The following ANKIB1 variants were observed in gnomAD, a reference collection of about 807,000 sequenced individuals.
ANKIB1 encodes ankyrin repeat and IBR domain containing 1.
Under a neutral mutation model 122.1 loss-of-function variants are expected in ANKIB1, and 43 were observed. The ratio of observed to expected loss-of-function variants is 0.35; its 90% CI spans 0.28 to 0.45. ANKIB1 has a LOEUF of 0.45. Among genes scored for constraint, ANKIB1 ranks in the 20% least tolerant of loss-of-function variants. The pLI, the probability that ANKIB1 is intolerant of heterozygous loss-of-function variation, is 1.00. For synonymous variants in ANKIB1, 390 were observed against 442.0 expected (o/e 0.88, Z 1.48); for missense variants, 992 against 1,329.5 (o/e 0.75, Z 3.95).
intron 19 of ANKIB1, 63 bp downstream of exon 19, chr7:92,397,922 C>T: frequency 1.3e-6 from 2 of 1,540,862 alleles, no homozygotes; most frequent in Non-Finnish European, 8.7e-7. Flanking sequence ...GTGTGGTTTC[C>T]TGTTGTTACT....
chr7:92,319,610 T>C, intron 4 of ANKIB1, 98 bp downstream of exon 4: 4 of 1,163,076 alleles, frequency 3.4e-6, no homozygotes, highest in Non-Finnish European at 4.8e-6. Context: ...TTGTGTGTTC[T>C]TCTTTACAGT....
chr7:92,394,183 C>T lies in ANKIB1; in HGVS notation c.2283+1891C>T, dbSNP rs529765728. Among the ~76,000 whole-genome samples, 5 of 152,190 alleles carry T rather than the reference C, an allele frequency of 3.3e-5. No homozygotes were observed. The South Asian group carries it at 1.0e-3, about 32-fold the overall frequency. On this transcript the variant is annotated intron_variant, in intron 17 of 19. Transcript: ENST00000265742. Reference sequence around the variant, plus strand: ...TGGATGGTGATACCCCATGGAAGTTCTAGAAGGATTAAAGCATCTCATTTA... The same window carrying T: ...TGGATGGTGATACCCCATGGAAGTTTTAGAAGGATTAAAGCATCTCATTTA...
intron 5 of ANKIB1, among the ~76,000 whole-genome samples, chr7:92,335,849 C>T (rs750920374): frequency 6.6e-6 from 1 of 151,758 alleles, no homozygotes; most frequent in South Asian, 2.1e-4. Context: ...TTCTCTGTTC[C>T]TCCTTCTCTG....
chr7:92,288,104 A>C (rs2131910622), intron 1 of ANKIB1, among the ~76,000 whole-genome samples: 1 of 152,152 alleles, frequency 6.6e-6, no homozygotes, highest in Admixed American at 6.5e-5. Flanking sequence ...ACAATCCCAA[A>C]AAATCCATGA....
At chr7:92,346,575 T>A (rs1456197119) in intron 7 of ANKIB1, among the ~76,000 whole-genome samples, 1 of 152,216 alleles carries the variant, frequency 6.6e-6, no homozygotes. Flanking sequence ...TCAGTATAGC[T>A]GTTACAGGTA....
chr7:92,382,559 C>A (rs1480893694), intron 11 of ANKIB1, among the ~76,000 whole-genome samples: 1 of 152,202 alleles, frequency 6.6e-6, no homozygotes, highest in Non-Finnish European at 1.5e-5. Flanking sequence ...ACAGTGCAAT[C>A]AAATTAGAAC....
intron 7 of ANKIB1, 63 bp from the exon 8 acceptor site, chr7:92,350,887 C>A (rs1342479610): frequency 2.1e-6 from 3 of 1,452,664 alleles, no homozygotes; most frequent in African/African-American, 1.4e-5. Flanking sequence ...AAGGAAAATT[C>A]TTAGAATGTA....
intron 3 of ANKIB1, among the ~76,000 whole-genome samples, chr7:92,317,036 T>A (rs533371390): frequency 6.6e-6 from 1 of 152,316 alleles, no homozygotes; most frequent in South Asian, 2.1e-4. Context: ...GTCAGCTCTT[T>A]AGTTCTGCAG....
At chr7:92,397,593 G>A in intron 18 of ANKIB1, 130 bp from the exon 19 acceptor site, 2 of 900,488 alleles carry the variant, frequency 2.2e-6, no homozygotes, top group Non-Finnish European at 1.7e-6. Context: ...AAGATTAAGT[G>A]AACATGTCAA....
At chr7:92,329,069 G>A (rs762556061) in intron 5 of ANKIB1, among the ~76,000 whole-genome samples, 31 of 150,978 alleles carry the variant, frequency 2.1e-4, no homozygotes, top group Non-Finnish European at 3.8e-4. Flanking sequence ...CCAGGTTCAA[G>A]CAATTCTCAT....
intron 1 of ANKIB1, among the ~76,000 whole-genome samples, chr7:92,253,591 C>T (rs1801374114): frequency 6.6e-6 from 1 of 152,168 alleles, no homozygotes; most frequent in Non-Finnish European, 1.5e-5. Flanking sequence ...CAAGAATTTA[C>T]AAACATACAT....
At chr7:92,304,297 A>G (rs888802526) in intron 2 of ANKIB1, among the ~76,000 whole-genome samples, 7 of 151,968 alleles carry the variant, frequency 4.6e-5, no homozygotes, top group African/African-American at 1.7e-4. Context: ...ATAATTTGAG[A>G]CTCTTTCTTG....
intron 1 of ANKIB1, among the ~76,000 whole-genome samples, chr7:92,248,107 A>T (rs188741013): frequency 2.0e-5 from 3 of 152,294 alleles, no homozygotes; most frequent in African/African-American, 7.2e-5. Context: ...GAATAAGAGT[A>T]GGGTGCTATA....
intron 1 of ANKIB1, among the ~76,000 whole-genome samples, chr7:92,264,186 T>G (rs1764588133): frequency 7.1e-6 from 1 of 141,316 alleles, no homozygotes; most frequent in Non-Finnish European, 1.6e-5. Flanking sequence ...TGTTTGTTGG[T>G]TTTTTTTTTT....
chr7:92,355,277 G>C (rs1803772784), intron 9 of ANKIB1, among the ~76,000 whole-genome samples: 1 of 151,770 alleles, frequency 6.6e-6, no homozygotes, highest in Non-Finnish European at 1.5e-5. Context: ...TTTTAATTAA[G>C]TAAAATATGC....
chr7:92,365,788 C>CTTTTT (rs59131137), intron 10 of ANKIB1, among the ~76,000 whole-genome samples: 21 of 58,324 alleles, frequency 3.6e-4, no homozygotes, highest in East Asian at 6.2e-4. Context: ...ATTAAATAAT[C>CTTTTT]TTTTTTTTTT....
chr7:92,331,620 A>T (rs1803175390), intron 5 of ANKIB1, among the ~76,000 whole-genome samples: 1 of 152,110 alleles, frequency 6.6e-6, no homozygotes, highest in African/African-American at 2.4e-5. Context: ...TAGGCCTACT[A>T]GTTACAGTAG....
rs1802859484 is a variant in ANKIB1 at position 92,319,467 on chromosome 7, G to A, written c.624G>A (p.Glu208=). 4.3e-6 allele frequency: 7 copies of A among 1,612,890 alleles called. No homozygotes were observed. Among genetic ancestry groups the A allele is most frequent in the Admixed American group, 1.7e-5 (1 of 59,764 alleles). The change falls in exon 4 of 20, where the codon GAG becomes GAA. Residue 208 remains glutamate, a synonymous_variant. Coordinates refer to ENST00000265742, the MANE Select transcript of ANKIB1 (RefSeq NM_019004.2). ...AAATGGTATTCTCACGGGATCCCGA[G>A]GCTGAAGAAATAGAAGCTGAATATG... ...ESQMVFSRDP[E]AEEIEAEYAA... is the part of the protein sequence containing the mutation.
chr7:92,298,449 C>T (rs1350315553), intron 2 of ANKIB1, among the ~76,000 whole-genome samples: 1 of 151,728 alleles, frequency 6.6e-6, no homozygotes, highest in Non-Finnish European at 1.5e-5. Flanking sequence ...TGGTAAAATA[C>T]TTTTTAACCC....
Sources: gnomAD v4.1 joint callset for allele counts (sites outside exome capture counted in the v4.1 genomes callset) on GRCh38, gnomAD v4.1.1 for gene constraint, MANE v1.5 for transcripts, NCBI Gene and HGNC (gene_info 2026-07-23, HGNC 2026-07-21) for gene names.